Variants in FAM162A observed in about 807,000 individuals in gnomAD.
FAM162A encodes protein FAM162A.
FAM162A carries 23 observed loss-of-function variants against 21.8 expected under a neutral mutation model. The ratio of observed to expected loss-of-function variants is 1.05; its 90% confidence interval spans 0.76 to 1.49. The LOEUF (loss-of-function observed/expected upper bound fraction) is 1.49, where lower values mean the gene tolerates loss of function less well. Among genes scored for constraint, FAM162A ranks in the 40% most tolerant of loss-of-function variants. The probability of loss-of-function intolerance (pLI) is 0.00; values close to 1 mark genes in which losing one functional copy is unlikely to be tolerated. For synonymous variants in FAM162A, 53 were observed against 61.3 expected, an observed-to-expected ratio of 0.86 and a Z score of 0.64; for missense variants, 165 against 186.4, an observed-to-expected ratio of 0.89 and a Z score of 0.67.
At chr3:122,407,615 T>C in intron 4 of FAM162A, 1 of 512,364 alleles carries the variant, frequency 2.0e-6, no homozygotes, top group Non-Finnish European at 3.5e-6. Context: ...AAGGACTAGA[T>C]TCATTTTGTG....
At chr3:122,395,700 C>G (rs1230344490) in intron 1 of FAM162A, among the ~76,000 whole-genome samples, 1 of 152,092 alleles carries the variant, frequency 6.6e-6, no homozygotes, top group African/African-American at 2.4e-5. Context: ...CAAATTCATA[C>G]AGAAATTTAG....
At chr3:122,402,626 TTACA>T in intron 1 of FAM162A, 130 bp from the exon 2 acceptor site, 1 of 698,786 alleles carries the variant, frequency 1.4e-6, no homozygotes, top group Non-Finnish European at 2.2e-6. Context: ...TATGTGTATC[TTACA>T]TATAGTAAAT....
Position 122,407,790 on chromosome 3 carries a change from C to T in FAM162A, c.372+401C>T, listed in dbSNP as rs143524985. ...CCTTCAGCATGGTGAGCTTTCTTAG[C>T]GGGGTTCTTTATTTGAAGCTCAGCC... is the stretch of plus-strand genomic sequence containing the variant. On this transcript the variant is annotated intron_variant, in intron 4 of 4. Transcript: ENST00000477892. 35 of 222,482 alleles carry T rather than the reference C, an allele frequency of 1.6e-4. 1 individual carries two copies. The East Asian group carries it at 2.0e-3, about 13-fold the overall frequency. 13.8% of individuals were successfully genotyped at this position (222,482 alleles called of 1,614,324 possible).
At chr3:122,406,353 C>CT (rs1377906463) in intron 3 of FAM162A, among the ~76,000 whole-genome samples, 3 of 152,198 alleles carry the variant, frequency 2.0e-5, no homozygotes, top group Non-Finnish European at 2.9e-5. Context: ...TCGCTTCAGT[C>CT]TAAGATTTTG....
At chr3:122,389,017 C>T (rs1043394984) in intron 1 of FAM162A, among the ~76,000 whole-genome samples, 4 of 151,348 alleles carry the variant, frequency 2.6e-5, no homozygotes, top group African/African-American at 9.7e-5. Context: ...GCACTGCACT[C>T]CAGCCTGGGC....
At chr3:122,394,868 A>T (rs564380523) in intron 1 of FAM162A, among the ~76,000 whole-genome samples, 37 of 152,206 alleles carry the variant, frequency 2.4e-4, no homozygotes, top group Non-Finnish European at 3.8e-4. Flanking sequence ...CCTTAGGAAT[A>T]TTGATGCAGA....
chr3:122,389,186 C>G (rs1181506181), intron 1 of FAM162A, among the ~76,000 whole-genome samples: 1 of 152,008 alleles, frequency 6.6e-6, no homozygotes, highest in Non-Finnish European at 1.5e-5. Context: ...AGATACATGC[C>G]ATTTATTCAA....
intron 1 of FAM162A, among the ~76,000 whole-genome samples, chr3:122,400,549 G>C (rs143955465): frequency 0.072 from 10,903 of 152,172 alleles, 542 homozygotes; most frequent in Admixed American, 0.13. Context: ...GAATGGCCGG[G>C]CATGGTGGCT....
chr3:122,402,738 A>G, intron 1 of FAM162A, 22 bp from the exon 2 acceptor site: 1 of 1,460,852 alleles, frequency 6.8e-7, no homozygotes, highest in Non-Finnish European at 9.1e-7. Flanking sequence ...CTTTCTTTGA[A>G]ACATTTTCCT....
chr3:122,406,215 G>A (rs375424287), intron 3 of FAM162A, among the ~76,000 whole-genome samples: 10 of 152,106 alleles, frequency 6.6e-5, no homozygotes, highest in African/African-American at 2.4e-4. Context: ...GTTAATCCTG[G>A]GCCCCATAAG....
At chr3:122,390,259 T>C (rs922183799) in intron 1 of FAM162A, among the ~76,000 whole-genome samples, 2 of 151,966 alleles carry the variant, frequency 1.3e-5, no homozygotes, top group Admixed American at 1.3e-4. Flanking sequence ...GGATTACTAC[T>C]TAAGAATAAA....
At chr3:122,387,228 A>G (rs183194610) in intron 1 of FAM162A, among the ~76,000 whole-genome samples, 1 of 152,356 alleles carries the variant, frequency 6.6e-6, no homozygotes, top group East Asian at 1.9e-4. Context: ...CTTTCCACAG[A>G]ATGATTATTA....
chr3:122,408,974 G>T (rs1039480883), intron 4 of FAM162A, among the ~76,000 whole-genome samples: 3 of 152,216 alleles, frequency 2.0e-5, no homozygotes, highest in African/African-American at 7.2e-5. Flanking sequence ...ATTAGCCATT[G>T]TATATTTTGC....
At chr3:122,407,435 A>T (rs771986207) in intron 4 of FAM162A, 46 bp downstream of exon 4, 15 of 1,435,272 alleles carry the variant, frequency 1.0e-5, no homozygotes, top group South Asian at 2.3e-5. Flanking sequence ...TTCTCCACCA[A>T]GAACCTAGAG....
chr3:122,393,439 A>G (rs1483067246), intron 1 of FAM162A, among the ~76,000 whole-genome samples: 2 of 152,102 alleles, frequency 1.3e-5, no homozygotes, highest in Non-Finnish European at 2.9e-5. Flanking sequence ...TCAGCTTCAC[A>G]ATAGTCTTGA....
At position 122,407,388 on chromosome 3, in the gene FAM162A, A is replaced by C. The variant is rs1218258506; in HGVS notation, c.371A>C (p.Lys124Thr). 6.2e-7 allele frequency: 1 copy of C among 1,611,400 alleles called. No homozygotes were observed. The highest frequency in any genetic ancestry group is 8.5e-7 in the Non-Finnish European group (1 of 1,177,478). ...GCIFMVIEGK[K>T]AAQRHETLTS... ...ATCTTCATGGTTATTGAGGGCAAGAAGGTGAGAAGGGGTTTCTTCTCTATC... is the reference window on the plus strand; with the variant it reads ...ATCTTCATGGTTATTGAGGGCAAGACGGTGAGAAGGGGTTTCTTCTCTATC... Residue 124 changes from lysine (K) to threonine (T), a missense_variant and splice_region_variant, in exon 4 of 5, where the codon AAG becomes ACG. Physicochemically the swap from Lys to Thr is moderately conservative, Grantham distance 78. Transcript: ENST00000477892.
intron 1 of FAM162A, among the ~76,000 whole-genome samples, chr3:122,392,183 C>T (rs1336953633): frequency 6.6e-6 from 1 of 152,090 alleles, no homozygotes; most frequent in Non-Finnish European, 1.5e-5. Context: ...TGCCTTTGTT[C>T]TATAATTAGG....
At chr3:122,405,256 A>G (rs927420129) in intron 3 of FAM162A, among the ~76,000 whole-genome samples, 1 of 152,266 alleles carries the variant, frequency 6.6e-6, no homozygotes, top group Non-Finnish European at 1.5e-5. Flanking sequence ...GCAAGAAACT[A>G]TTCCTGGATC....
In FAM162A at chr3:122,402,744, T is replaced by C; in HGVS notation, c.35-16T>C. 6.7e-7 allele frequency: 1 copy of C among 1,498,544 alleles called. No homozygotes were observed. The allele number at this position is 1,498,544 out of a possible 1,614,324, so 92.8% of individuals were successfully genotyped here. A position where few individuals can be genotyped will look rare whatever the true frequency, so the allele number is the denominator to read the frequency against. The stretch of plus-strand genomic sequence containing the variant: ...TCTTTCTTTCTTTCTTTGAAACATT[T>C]TCCTCTCTTTTTTAGGAAGCTGTTT... On this transcript the variant is annotated splice_polypyrimidine_tract_variant and intron_variant, in intron 1 of 4. Transcript: ENST00000477892.
Sources: gnomAD v4.1 joint callset for allele counts (sites outside exome capture counted in the v4.1 genomes callset) on GRCh38, gnomAD v4.1.1 for gene constraint, MANE v1.5 for transcripts, NCBI Gene and HGNC (gene_info 2026-07-23, HGNC 2026-07-21) for gene names.